DSCAM: variants seen among roughly 807,000 people sequenced by gnomAD.
DSCAM encodes the protein cell adhesion molecule DSCAM.
A neutral mutation model predicts 217.7 loss-of-function variants in DSCAM; 47 were observed. That is an observed-to-expected ratio of 0.22 (90% CI 0.17 to 0.28). DSCAM has a LOEUF of 0.28. Ranked by LOEUF, DSCAM falls within the 10% of genes least tolerant of loss-of-function variation. The pLI is 1.00. For synonymous variants in DSCAM, 1,056 were observed against 1,015.3 expected (o/e 1.04, Z -0.76); for missense variants, 2,080 against 2,618.3 (o/e 0.79, Z 4.49).
Position 40,289,848 on chromosome 21 carries a change from G to C in DSCAM, c.2182+6207C>G, listed in dbSNP as rs886237017. Among the ~76,000 whole-genome samples the C allele has an allele frequency of 4.6e-5, 7 of 152,206 alleles. No individual in the cohort carries two copies. The South Asian group carries it at 1.0e-3, about 23-fold the overall frequency. On this transcript the variant is annotated intron_variant, in intron 10 of 32. Coordinates refer to ENST00000400454, the MANE Select transcript of DSCAM (RefSeq NM_001389.5). ...ATAAGCAAAATAGAAGAAAAAAACA[G>C]AACAAGAAACCAGGTATTACGACTT...
At chr21:40,254,132 T>C (rs1601487855) in intron 11 of DSCAM, among the ~76,000 whole-genome samples, 1 of 152,210 alleles carries the variant, frequency 6.6e-6, no homozygotes, top group Admixed American at 6.5e-5. Flanking sequence ...TATTGAAGGC[T>C]GTTTTCCATA....
At chr21:40,062,805 A>G in intron 28 of DSCAM, 64 bp downstream of exon 28, 1 of 1,472,682 alleles carries the variant, frequency 6.8e-7, no homozygotes, top group Non-Finnish European at 9.1e-7. Flanking sequence ...AATAGAAATC[A>G]TCAAGGCAAG....
chr21:40,659,007 T>C (rs1196548021), intron 3 of DSCAM, among the ~76,000 whole-genome samples: 1 of 152,160 alleles, frequency 6.6e-6, no homozygotes, highest in Non-Finnish European at 1.5e-5. Flanking sequence ...GGTAATCAAC[T>C]TGAGCTCTTA....
intron 3 of DSCAM, among the ~76,000 whole-genome samples, chr21:40,370,893 G>A (rs1241599168): frequency 6.6e-6 from 1 of 152,002 alleles, no homozygotes; most frequent in Non-Finnish European, 1.5e-5. Context: ...AAGTGCCAGG[G>A]AGTGTAATCC....
chr21:40,153,215 A>C (rs995504456), intron 16 of DSCAM, among the ~76,000 whole-genome samples: 2 of 152,138 alleles, frequency 1.3e-5, no homozygotes, highest in Non-Finnish European at 2.9e-5. Flanking sequence ...ACATTGAACA[A>C]ACCTTAACTG....
chr21:40,276,052 C>G, intron 11 of DSCAM, 45 bp downstream of exon 11: 3 of 1,493,456 alleles, frequency 2.0e-6, no homozygotes, highest in South Asian at 2.8e-5. Context: ...CCCCAGAGAC[C>G]TATGTATTTA....
intron 1 of DSCAM, among the ~76,000 whole-genome samples, chr21:40,815,032 A>T (rs1240281982): frequency 6.6e-6 from 1 of 152,208 alleles, no homozygotes; most frequent in Non-Finnish European, 1.5e-5. Context: ...GCATGATTTG[A>T]TCTGCTTCAG....
At chr21:40,808,737 A>G (rs2091811141) in intron 1 of DSCAM, among the ~76,000 whole-genome samples, 1 of 152,048 alleles carries the variant, frequency 6.6e-6, no homozygotes, top group African/African-American at 2.4e-5. Flanking sequence ...GCCCTCCTAA[A>G]GTGCTGTGAT....
intron 11 of DSCAM, among the ~76,000 whole-genome samples, chr21:40,228,392 A>T (rs1213312082): frequency 6.6e-6 from 1 of 152,168 alleles, no homozygotes; most frequent in Non-Finnish European, 1.5e-5. Context: ...GGCTATTGTT[A>T]CCATTTATTC....
chr21:40,774,258 A>G (rs2091469924), intron 1 of DSCAM, among the ~76,000 whole-genome samples: 1 of 152,244 alleles, frequency 6.6e-6, no homozygotes, highest in African/African-American at 2.4e-5. Flanking sequence ...GAGGGGAAGA[A>G]CAAGCATAAT....
intron 27 of DSCAM, among the ~76,000 whole-genome samples, chr21:40,066,080 AT>A (rs1445307113): frequency 1.3e-5 from 2 of 152,100 alleles, no homozygotes; most frequent in African/African-American, 4.8e-5. Flanking sequence ...GTACCCTCCC[AT>A]GCCCAGTAGG....
At chr21:40,681,780 A>T (rs1335307658) in intron 3 of DSCAM, among the ~76,000 whole-genome samples, 1 of 152,108 alleles carries the variant, frequency 6.6e-6, no homozygotes, top group Non-Finnish European at 1.5e-5. Flanking sequence ...GCTTTATTAG[A>T]AGAGGAGAAG....
At chr21:40,266,814 C>CA (rs2073543595) in intron 11 of DSCAM, among the ~76,000 whole-genome samples, 2 of 98,214 alleles carry the variant, frequency 2.0e-5, no homozygotes, top group South Asian at 7.3e-4. Context: ...ACACACACAC[C>CA]CCCACACACA....
chr21:40,312,426 T>C (rs2074149525), intron 8 of DSCAM, 67 bp from the exon 9 acceptor site: 2 of 1,547,620 alleles, frequency 1.3e-6, no homozygotes, highest in Non-Finnish European at 1.7e-6. Flanking sequence ...TTTAACCCTG[T>C]ATACGGCACT....
intron 16 of DSCAM, among the ~76,000 whole-genome samples, chr21:40,147,309 T>C (rs1375599223): frequency 1.3e-5 from 2 of 152,190 alleles, no homozygotes; most frequent in East Asian, 3.9e-4. Context: ...TTCCTCCAGT[T>C]TGGGGGGATT....
At chr21:40,451,019 C>A (rs957360531) in intron 3 of DSCAM, among the ~76,000 whole-genome samples, 2 of 152,166 alleles carry the variant, frequency 1.3e-5, no homozygotes, top group African/African-American at 2.4e-5. Context: ...AATCTGTATG[C>A]CTTGTCCTTC....
At chr21:40,146,739 C>T (rs1601383033) in intron 16 of DSCAM, among the ~76,000 whole-genome samples, 2 of 152,150 alleles carry the variant, frequency 1.3e-5, no homozygotes, top group Non-Finnish European at 2.9e-5. Flanking sequence ...CGGAGTTAGA[C>T]CCTGGTGGAA....
chr21:40,344,846 A>G (rs1487127595), intron 6 of DSCAM, among the ~76,000 whole-genome samples: 1 of 152,088 alleles, frequency 6.6e-6, no homozygotes. Flanking sequence ...ATCTCTGAAT[A>G]CTTTTTTCTT....
intron 3 of DSCAM, among the ~76,000 whole-genome samples, chr21:40,566,581 T>C (rs754006639): frequency 6.6e-6 from 1 of 152,244 alleles, no homozygotes; most frequent in Non-Finnish European, 1.5e-5. Flanking sequence ...AACTTATCTT[T>C]AACTGAGTTT....
Sources: gnomAD v4.1 joint callset for allele counts (sites outside exome capture counted in the v4.1 genomes callset) on GRCh38, gnomAD v4.1.1 for gene constraint, MANE v1.5 for transcripts, NCBI Gene and HGNC (gene_info 2026-07-23, HGNC 2026-07-21) for gene names.